The following ADCY2 variants were observed in gnomAD, a reference collection of about 807,000 sequenced individuals.
ADCY2 encodes the protein adenylate cyclase type 2.
ADCY2 carries 31 observed loss-of-function variants against 125.2 expected under a neutral mutation model. The observed-to-expected ratio is 0.25, with a 90% CI of 0.19 to 0.33. The LOEUF is 0.33. Among genes scored for constraint, ADCY2 ranks in the 10% least tolerant of loss-of-function variants. The probability of loss-of-function intolerance (pLI) is 1.00; values close to 1 mark genes in which losing one functional copy is unlikely to be tolerated. For synonymous variants in ADCY2, 512 were observed against 548.4 expected (o/e 0.93, Z 0.93); for missense variants, 904 against 1,418.2 (o/e 0.64, Z 5.82).
chr5:7,610,411 G>C (rs2126643248), intron 3 of ADCY2, among the ~76,000 whole-genome samples: 1 of 152,304 alleles, frequency 6.6e-6, no homozygotes, highest in South Asian at 2.1e-4. Context: ...ACTCAGGAGT[G>C]AGGTCAGGAG....
intron 18 of ADCY2, among the ~76,000 whole-genome samples, chr5:7,775,126 C>T (rs1743678168): frequency 6.6e-6 from 1 of 151,438 alleles, no homozygotes; most frequent in Non-Finnish European, 1.5e-5. Context: ...CCTGCTTCAG[C>T]CTCTCTAGTA....
chr5:7,706,616 T>A, intron 7 of ADCY2, 128 bp from the exon 8 acceptor site: 1 of 1,034,708 alleles, frequency 9.7e-7, no homozygotes, highest in Non-Finnish European at 1.5e-6. Flanking sequence ...TCTCCTGCCA[T>A]AGGAAGGTTT....
rs750856333 is a variant in ADCY2 at position 7,520,850 on chromosome 5, G to C, written c.521G>C (p.Ser174Thr). The C allele has an allele frequency of 2.0e-5, 33 of 1,614,062 alleles. No individual in the cohort carries two copies. The highest frequency in any genetic ancestry group is 2.8e-5 in the Non-Finnish European group (33 of 1,180,046). ...LTSSSHTIVL[S>T]VCLSATPGGK... ...TCCTCCTCCCACACCATCGTGCTTA[G>C]CGTCTGCCTGTCTGCAACACCGGGA... The change falls in exon 3 of 25, where the codon AGC becomes ACC. Residue 174 changes from serine to threonine, a missense_variant. Transcript: ENST00000338316.
intron 3 of ADCY2, among the ~76,000 whole-genome samples, chr5:7,548,668 A>G (rs1385086054): frequency 2.6e-5 from 4 of 152,166 alleles, no homozygotes; most frequent in Admixed American, 2.0e-4. Context: ...TTTTCTTAAT[A>G]GCAGTGGATC....
intron 3 of ADCY2, among the ~76,000 whole-genome samples, chr5:7,565,831 A>G (rs902013962): frequency 6.6e-6 from 1 of 152,224 alleles, no homozygotes; most frequent in Non-Finnish European, 1.5e-5. Context: ...AACAGCCCTT[A>G]GAATCCCAGA....
At chr5:7,665,828 CTTTTTTTTTTTTTTTTT>C (rs70940750) in intron 4 of ADCY2, among the ~76,000 whole-genome samples, 2 of 38,620 alleles carry the variant, frequency 5.2e-5, no homozygotes, top group Admixed American at 8.6e-4. Context: ...TAATTTAATT[CTTTTTTTTTTTTTTTTT>C]TTTTTTTTTT....
In ADCY2 at chr5:7,513,106, C is replaced by CACACACACACACAG. The variant is rs777343291; in HGVS notation, c.409-7631_409-7630insCACACACACACAGA. 6.7e-3 allele frequency among the ~76,000 whole-genome samples: 923 copies of CACACACACACACAG among 138,506 alleles called. 13 individuals carry two copies. The highest frequency in any genetic ancestry group is 0.044 in the South Asian group (175 of 3,966). 90.9% of individuals were successfully genotyped at this position (138,506 alleles called of 152,430 possible). ...ACACACACACACACACACACACACA[C>CACACACACACACAG]AGAGAGAGAGAGAGAGAGAGAGAGC... On this transcript the variant is annotated intron_variant, in intron 2 of 24. Transcript: ENST00000338316.
chr5:7,735,509 A>G (rs1328684416), intron 14 of ADCY2, among the ~76,000 whole-genome samples: 1 of 152,152 alleles, frequency 6.6e-6, no homozygotes, highest in Admixed American at 6.5e-5. Context: ...TTTTATTAAT[A>G]GTTTGTTGAG....
At chr5:7,432,949 A>G (rs923317902) in intron 2 of ADCY2, among the ~76,000 whole-genome samples, 2 of 68,126 alleles carry the variant, frequency 2.9e-5, no homozygotes, top group African/African-American at 6.1e-5. Context: ...TACATCAGTT[A>G]TACCTCAGTA....
chr5:7,697,131 A>G (rs539994690), intron 6 of ADCY2, among the ~76,000 whole-genome samples: 8 of 152,176 alleles, frequency 5.3e-5, no homozygotes, highest in African/African-American at 1.9e-4. Flanking sequence ...GGCCCACCCA[A>G]TTCCAGTTCT....
intron 4 of ADCY2, among the ~76,000 whole-genome samples, chr5:7,681,021 A>G (rs1740311818): frequency 6.6e-6 from 1 of 152,252 alleles, no homozygotes; most frequent in African/African-American, 2.4e-5. Context: ...CAAGCAAGCT[A>G]CAGCAGAAGA....
chr5:7,826,698 C>T (rs746543752), intron 24 of ADCY2, 21 bp from the exon 25 acceptor site: 1 of 1,613,858 alleles, frequency 6.2e-7, no homozygotes, highest in Non-Finnish European at 8.5e-7. Flanking sequence ...GCCCGTTTTC[C>T]CGTGTTCCTG....
At chr5:7,720,927 G>T (rs1355467310) in intron 12 of ADCY2, among the ~76,000 whole-genome samples, 3 of 152,154 alleles carry the variant, frequency 2.0e-5, no homozygotes, top group African/African-American at 7.2e-5. Context: ...TGGGATGGCT[G>T]GGGCAAATGG....
chr5:7,707,971 G>A (rs1413542653), intron 9 of ADCY2, 133 bp downstream of exon 9: 9 of 962,526 alleles, frequency 9.4e-6, no homozygotes, highest in Non-Finnish European at 1.4e-5. Context: ...AAATGCATAT[G>A]GTGGTTTAAT....
intron 11 of ADCY2, among the ~76,000 whole-genome samples, chr5:7,715,187 T>A (rs1391448654): frequency 2.0e-5 from 3 of 152,198 alleles, no homozygotes; most frequent in African/African-American, 7.2e-5. Context: ...AGAATTATTG[T>A]CCGGATAATT....
At chr5:7,536,465 C>G (rs527251776) in intron 3 of ADCY2, among the ~76,000 whole-genome samples, 1 of 152,288 alleles carries the variant, frequency 6.6e-6, no homozygotes, top group East Asian at 1.9e-4. Context: ...GCCCCAGAGT[C>G]GGTTCAGGAA....
rs911846677 is a variant in ADCY2 at position 7,526,614 on chromosome 5, GA to G, written c.570+5722del. ...TGTGCAACTATTATATATCAATAAAGAAAAAAAGGGAGAAAAGGTAGAACAA... is the reference window on the plus strand; with the variant it reads ...TGTGCAACTATTATATATCAATAAAGAAAAAAGGGAGAAAAGGTAGAACAA... On this transcript the variant is annotated intron_variant, in intron 3 of 24. Transcript: ENST00000338316. 9.2e-5 allele frequency among the ~76,000 whole-genome samples: 14 copies of G among 151,490 alleles called. No homozygotes were observed. The East Asian group carries it at 2.3e-3, about 25-fold the overall frequency.
At chr5:7,650,973 G>A (rs1157088872) in intron 4 of ADCY2, among the ~76,000 whole-genome samples, 2 of 152,122 alleles carry the variant, frequency 1.3e-5, no homozygotes, top group African/African-American at 4.8e-5. Flanking sequence ...TGACTTGGCA[G>A]AGGGGAGGCC....
At chr5:7,606,633 A>G (rs766657246) in intron 3 of ADCY2, among the ~76,000 whole-genome samples, 11 of 152,136 alleles carry the variant, frequency 7.2e-5, no homozygotes, top group Non-Finnish European at 1.2e-4. Flanking sequence ...ACTTTATCAG[A>G]TTTGCTAAAC....
Sources: gnomAD v4.1 joint callset for allele counts (sites outside exome capture counted in the v4.1 genomes callset) on GRCh38, gnomAD v4.1.1 for gene constraint, MANE v1.5 for transcripts, NCBI Gene and HGNC (gene_info 2026-07-23, HGNC 2026-07-21) for gene names.